Variants in SYT15B observed in about 807,000 individuals in gnomAD.
The protein encoded by SYT15B is synaptotagmin 15B, also known as synaptotagmin-15.
chr10:47,749,672 A>AG, the SYT15B span, among the ~76,000 whole-genome samples: 11,583 of 140,116 alleles, frequency 0.083, 752 homozygotes, highest in Admixed American at 0.23. Context: ...AACCAATGGT[A>AG]GGGGGGGAAA....
the SYT15B span, among the ~76,000 whole-genome samples, chr10:47,756,622 G>T: frequency 6.6e-6 from 1 of 152,238 alleles, no homozygotes; most frequent in Non-Finnish European, 1.5e-5. Flanking sequence ...ACAGTGGAAG[G>T]TCTGGATCCT....
chr10:47,753,127 A>G, the SYT15B span: 1 of 980,810 alleles, frequency 1.0e-6, no homozygotes, highest in Non-Finnish European at 1.2e-6. Flanking sequence ...AAAATAAAAA[A>G]AAAAAAGAAA....
chr10:47,762,205 G>T, the SYT15B span, among the ~76,000 whole-genome samples: 1 of 151,844 alleles, frequency 6.6e-6, no homozygotes, highest in African/African-American at 2.4e-5. Flanking sequence ...GAGTTGGTGC[G>T]ACGCGGTGGA....
At chr10:47,748,211 T>TA in the SYT15B span, among the ~76,000 whole-genome samples, 5 of 149,680 alleles carry the variant, frequency 3.3e-5, no homozygotes, top group Admixed American at 6.7e-5. Flanking sequence ...ATACTTTTTT[T>TA]TTATTATTAT....
At chr10:47,755,551 G>A in the SYT15B span, among the ~76,000 whole-genome samples, 23 of 132,422 alleles carry the variant, frequency 1.7e-4, no homozygotes, top group South Asian at 3.5e-3. Context: ...CACCGTGCCC[G>A]GCCCTTTTTT....
At chr10:47,750,570 C>T in the SYT15B span, among the ~76,000 whole-genome samples, 7 of 91,066 alleles carry the variant, frequency 7.7e-5, no homozygotes, top group Non-Finnish European at 1.3e-4. Context: ...CCCCAGCCCT[C>T]CAAGTAGCTG....
At chr10:47,752,998 C>G in the SYT15B span, 1 of 134,440 alleles carries the variant, frequency 7.4e-6, no homozygotes, top group African/African-American at 2.8e-5. Context: ...ATCCCAGCTA[C>G]TTGGGAGGCT....
chr10:47,746,431 G>A, the SYT15B span, among the ~76,000 whole-genome samples: 3 of 64,190 alleles, frequency 4.7e-5, no homozygotes, highest in Admixed American at 3.4e-4. Flanking sequence ...CAGAGGTTGC[G>A]GTGAGCCGAG....
At chr10:47,748,678 G>A in the SYT15B span, among the ~76,000 whole-genome samples, 11 of 152,224 alleles carry the variant, frequency 7.2e-5, no homozygotes, top group Admixed American at 4.6e-4. Context: ...TTGTAGAGGG[G>A]GGGGATCTTG....
the SYT15B span, among the ~76,000 whole-genome samples, chr10:47,748,501 C>A: frequency 6.6e-6 from 1 of 152,084 alleles, no homozygotes; most frequent in African/African-American, 2.4e-5. Context: ...GCGTGAGCCA[C>A]CGCACCCGAC....
chr10:47,762,182 CACGCGCTTAGGGGAGTTGGTGCG>C, the SYT15B span, among the ~76,000 whole-genome samples: 13 of 151,306 alleles, frequency 8.6e-5, no homozygotes, highest in Admixed American at 3.9e-4. Context: ...TCAAGGTGAG[CACGCGCTTAGGGGAGTTGGTGCG>C]ACGCGGTGGA....
At chr10:47,748,459 G>A in the SYT15B span, among the ~76,000 whole-genome samples, 6 of 151,932 alleles carry the variant, frequency 3.9e-5, no homozygotes, top group Non-Finnish European at 7.4e-5. Flanking sequence ...GTGATCCACT[G>A]GCCTTGGCCT....
the SYT15B span, among the ~76,000 whole-genome samples, chr10:47,748,353 AG>A: frequency 6.8e-6 from 1 of 147,926 alleles, no homozygotes; most frequent in Non-Finnish European, 1.5e-5. Flanking sequence ...CTGGGATTAC[AG>A]GCACGCGCCA....
the SYT15B span, among the ~76,000 whole-genome samples, chr10:47,749,446 G>C: frequency 2.7e-5 from 4 of 150,088 alleles, no homozygotes; most frequent in East Asian, 8.0e-4. Context: ...TAATAATAAT[G>C]TCTCGTTAGG....
chr10:47,761,166 T>C, the SYT15B span, among the ~76,000 whole-genome samples: 1 of 150,500 alleles, frequency 6.6e-6, no homozygotes, highest in South Asian at 2.1e-4. Context: ...CACCTGACAG[T>C]GTCAGCCAGT....
the SYT15B span, among the ~76,000 whole-genome samples, chr10:47,755,445 C>T: frequency 6.6e-5 from 10 of 151,560 alleles, no homozygotes; most frequent in Admixed American, 2.0e-4. Context: ...TTAGTAGAGA[C>T]GTGGTTTCAC....
At chr10:47,755,082 G>C in the SYT15B span, among the ~76,000 whole-genome samples, 1 of 145,786 alleles carries the variant, frequency 6.9e-6, no homozygotes, top group Non-Finnish European at 1.5e-5. Flanking sequence ...TCAGCCTCCC[G>C]AGTAGTTGGG....
the SYT15B span, among the ~76,000 whole-genome samples, chr10:47,748,599 CTTCTT>C: frequency 6.6e-6 from 1 of 152,182 alleles, no homozygotes; most frequent in Non-Finnish European, 1.5e-5. Flanking sequence ...GGACACATTT[CTTCTT>C]TTCTTTTTTC....
the SYT15B span, chr10:47,753,251 C>G: frequency 3.2e-6 from 2 of 633,360 alleles, no homozygotes; most frequent in Non-Finnish European, 3.7e-6. Flanking sequence ...CTACCTGTTA[C>G]AGTAACTGTG....
Sources: allele counts gnomAD v4.1 joint callset (sites outside exome capture counted in the v4.1 genomes callset), GRCh38; gene constraint gnomAD v4.1.1; transcripts MANE v1.5; gene names NCBI Gene and HGNC (gene_info 2026-07-23, HGNC 2026-07-21).